MAST2: variants seen among roughly 807,000 people sequenced by gnomAD.
MAST2 encodes the protein microtubule associated serine/threonine kinase 2.
MAST2 carries 70 observed loss-of-function variants against 147.4 expected under a neutral mutation model. The ratio of observed to expected loss-of-function variants is 0.47; its 90% CI spans 0.39 to 0.58. The LOEUF is 0.58. Ranked by LOEUF, MAST2 falls within the 20% of genes least tolerant of loss-of-function variation. The pLI, the probability that MAST2 is intolerant of heterozygous loss-of-function variation, is 0.00. For synonymous variants in MAST2, 869 were observed against 896.8 expected (o/e 0.97, Z 0.55); for missense variants, 2,080 against 2,302.3 (o/e 0.90, Z 1.98).
intron 4 of MAST2, among the ~76,000 whole-genome samples, chr1:45,945,546 G>T (rs1295064866): frequency 6.6e-6 from 1 of 152,116 alleles, no homozygotes; most frequent in Non-Finnish European, 1.5e-5. Context: ...TTGGGCACAG[G>T]CCAGACAGCT....
rs190278671 is a variant in MAST2 at position 45,844,239 on chromosome 1, A to G, written c.468+14658A>G. 2.2e-4 allele frequency among the ~76,000 whole-genome samples: 34 copies of G among 152,148 alleles called. No homozygotes were observed. In the East Asian group the frequency reaches 5.0e-3, roughly 22 times the overall value. On this transcript the variant is annotated intron_variant, in intron 3 of 28. Transcript: ENST00000361297. The stretch of plus-strand genomic sequence containing the variant: ...CTCAGCCTCCTGAGTAGTTGGGACT[A>G]CAGGCATGGGCCACGATGCCTGGCT...
intron 11 of MAST2, among the ~76,000 whole-genome samples, chr1:46,020,661 G>T (rs1218242377): frequency 6.6e-6 from 1 of 152,104 alleles, no homozygotes; most frequent in Non-Finnish European, 1.5e-5. Flanking sequence ...TGTCATATAA[G>T]TTCCCTTGTG....
rs747114969 is a variant in MAST2 at position 46,034,209 on chromosome 1, C to T, written c.3811C>T (p.Leu1271Phe). 2 of 1,614,132 alleles carry T rather than the reference C, an allele frequency of 1.2e-6. No homozygotes were observed. The highest frequency in any genetic ancestry group is 1.7e-6 in the Non-Finnish European group (2 of 1,180,006). Residue 1271 changes from leucine (L) to phenylalanine (F), a missense_variant, in exon 28 of 29, where the codon CTT (leucine) becomes TTT (phenylalanine). This residue lies in a region of MAST2 where 1,278 missense variants were observed against 1,304.2 expected (regional missense o/e 0.98). Transcript: ENST00000361297. ...AGGCTCTCCCACACACAGCCACAGC[C>T]TTTCCCCCCGATCTCCCACTCAAGG... is the stretch of plus-strand genomic sequence containing the variant. Reference protein sequence around the residue: ...GPGSPTHSHSLSPRSPTQGYR... With the variant: ...GPGSPTHSHSFSPRSPTQGYR...
At chr1:45,949,415 C>T (rs534080291) in intron 4 of MAST2, among the ~76,000 whole-genome samples, 1 of 152,222 alleles carries the variant, frequency 6.6e-6, no homozygotes, top group Admixed American at 6.5e-5. Flanking sequence ...AGGACGTGAA[C>T]AGATACTTTT....
intron 4 of MAST2, among the ~76,000 whole-genome samples, chr1:45,901,714 T>C (rs948745342): frequency 2.4e-4 from 36 of 152,302 alleles, no homozygotes; most frequent in African/African-American, 8.4e-4. Flanking sequence ...TGGTTAAATG[T>C]ATTCCTAAGT....
intron 5 of MAST2, among the ~76,000 whole-genome samples, chr1:45,976,707 G>T (rs772623532): frequency 4.6e-5 from 7 of 152,198 alleles, no homozygotes; most frequent in Non-Finnish European, 7.3e-5. Context: ...TGGAAGACCA[G>T]TTAAGAGGCC....
At chr1:45,812,218 C>T (rs369734798) in intron 1 of MAST2, among the ~76,000 whole-genome samples, 11 of 152,146 alleles carry the variant, frequency 7.2e-5, no homozygotes, top group Admixed American at 2.0e-4. Flanking sequence ...TCCTTTCCCT[C>T]TTATCCAGGG....
chr1:45,851,338 GA>G (rs1411715258), intron 3 of MAST2, among the ~76,000 whole-genome samples: 2 of 152,156 alleles, frequency 1.3e-5, no homozygotes, highest in East Asian at 3.8e-4. Flanking sequence ...TTAAAACTGG[GA>G]AGCCATTTAT....
rs1161420895 is a variant in MAST2 at position 46,019,685 on chromosome 1, C to T, written c.1278C>T (p.Leu426=). ...TTATCATTGCCCGCCCAGCACGTCT[C>T]CTGGAATGCCTGGTGAGTGGACTCT... ...LMIIIARPAR[L]LECLEFDPEE... The change falls in exon 11 of 29, where the codon CTC becomes CTT. Residue 426 remains leucine (L), a synonymous_variant. Transcript: ENST00000361297. 5 of 1,613,978 alleles carry T rather than the reference C, an allele frequency of 3.1e-6. No individual in the cohort carries two copies.
At position 45,862,245 on chromosome 1, in the gene MAST2, T is replaced by C. The variant is rs761910200; in HGVS notation, c.469-20119T>C. Among the ~76,000 whole-genome samples, 42 of 152,312 alleles carry C rather than the reference T, an allele frequency of 2.8e-4. 1 individual carries two copies. In the Middle Eastern group the frequency reaches 0.034, roughly 123 times the overall value. On this transcript the variant is annotated intron_variant, in intron 3 of 28. Coordinates refer to ENST00000361297, the MANE Select transcript of MAST2 (RefSeq NM_015112.3). ...TTGTGAATCATTCATACATGTTTCA[T>C]AAATGATTCCTTTCAACAACCTTAT...
intron 5 of MAST2, among the ~76,000 whole-genome samples, chr1:45,965,977 C>T (rs948098948): frequency 6.6e-6 from 1 of 152,158 alleles, no homozygotes; most frequent in Non-Finnish European, 1.5e-5. Context: ...ATTATAGTAT[C>T]ATACAGTCTT....
intron 1 of MAST2, among the ~76,000 whole-genome samples, chr1:45,822,764 C>T (rs1266092665): frequency 2.0e-5 from 3 of 151,676 alleles, no homozygotes; most frequent in African/African-American, 4.9e-5. Context: ...AGTGGCCAAC[C>T]CTCTTTAATG....
intron 4 of MAST2, among the ~76,000 whole-genome samples, chr1:45,890,004 A>G (rs1338787004): frequency 6.6e-6 from 1 of 151,996 alleles, no homozygotes; most frequent in Non-Finnish European, 1.5e-5. Flanking sequence ...CGGCCTCCCA[A>G]AAGTGCTGGG....
At chr1:45,947,118 A>G (rs755150319) in intron 4 of MAST2, among the ~76,000 whole-genome samples, 8 of 152,122 alleles carry the variant, frequency 5.3e-5, no homozygotes, top group Non-Finnish European at 1.2e-4. Flanking sequence ...AGCATTTCTT[A>G]GCCTTCAGTT....
chr1:45,998,207 A>C (rs545084840), intron 6 of MAST2, among the ~76,000 whole-genome samples: 2 of 152,324 alleles, frequency 1.3e-5, no homozygotes, highest in African/African-American at 4.8e-5. Flanking sequence ...TGTCCTCTCT[A>C]ACTCAGCTAG....
chr1:45,860,988 G>A (rs1419673847), intron 3 of MAST2, among the ~76,000 whole-genome samples: 1 of 152,126 alleles, frequency 6.6e-6, no homozygotes, highest in African/African-American at 2.4e-5. Flanking sequence ...TCATACCTCT[G>A]AAATGTTCCT....
chr1:45,890,283 A>G (rs575077035), intron 4 of MAST2, among the ~76,000 whole-genome samples: 1 of 152,366 alleles, frequency 6.6e-6, no homozygotes, highest in Admixed American at 6.5e-5. Flanking sequence ...GTATGTAAGT[A>G]TTAGCTCAGG....
At chr1:45,851,892 G>A (rs1281012788) in intron 3 of MAST2, among the ~76,000 whole-genome samples, 1 of 151,968 alleles carries the variant, frequency 6.6e-6, no homozygotes, top group East Asian at 1.9e-4. Flanking sequence ...GGGGCATTTT[G>A]GGAATAAAGT....
At chr1:45,898,045 G>A (rs1033636304) in intron 4 of MAST2, among the ~76,000 whole-genome samples, 1 of 152,112 alleles carries the variant, frequency 6.6e-6, no homozygotes, top group Non-Finnish European at 1.5e-5. Flanking sequence ...GGAGGTGGAG[G>A]TTGCAGGGAG....
Sources: allele counts gnomAD v4.1 joint callset (sites outside exome capture counted in the v4.1 genomes callset), GRCh38; gene constraint gnomAD v4.1.1; regional missense constraint gnomAD v4.1.1; transcripts MANE v1.5; gene names NCBI Gene and HGNC (gene_info 2026-07-23, HGNC 2026-07-21).